Variants in GPC3 observed in about 807,000 individuals in gnomAD.
The protein encoded by GPC3 is glypican 3, also known as glypican-3.
GPC3 carries 3 observed loss-of-function variants against 34.4 expected under a neutral mutation model. That is an observed-to-expected ratio of 0.09 (90% confidence interval 0.04 to 0.23). GPC3 has a LOEUF of 0.23. GPC3 is among the 10% of genes least tolerant of loss of function. The pLI, the probability that GPC3 is intolerant of heterozygous loss-of-function variation, is 1.00. For missense variants in GPC3, 351 were observed against 445.6 expected, an observed-to-expected ratio of 0.79 and a Z score of 1.91; for synonymous variants, 177 against 174.0, an observed-to-expected ratio of 1.02 and a Z score of -0.13.
chrX:133,605,172 T>TCGGGG (rs371725277), intron 6 of GPC3, among the ~76,000 whole-genome samples: 36 of 95,994 alleles, frequency 3.8e-4, no homozygotes, highest in African/African-American at 1.0e-3. Flanking sequence ...ACTTCACACG[T>TCGGGG]GGGGGGGGGG....
At chrX:133,553,213 A>T (rs1026342682) in intron 7 of GPC3, among the ~76,000 whole-genome samples, 2 of 111,768 alleles carry the variant, frequency 1.8e-5, no homozygotes, top group Admixed American at 1.9e-4. Flanking sequence ...TAACCAAGAC[A>T]AATACATCGT....
At chrX:133,780,908 C>T (rs973398788) in intron 2 of GPC3, among the ~76,000 whole-genome samples, 1 of 111,656 alleles carries the variant, frequency 9.0e-6, no homozygotes, top group Admixed American at 9.5e-5. Flanking sequence ...GAGTGAATAG[C>T]AACTCATCAG....
intron 2 of GPC3, among the ~76,000 whole-genome samples, chrX:133,786,548 G>A (rs149358149): frequency 0.014 from 1,586 of 112,311 alleles, 28 homozygotes; most frequent in African/African-American, 0.048. Flanking sequence ...GCAGATGAGG[G>A]AACTTGCCCA....
chrX:133,682,116 G>A (rs938129962), intron 5 of GPC3, among the ~76,000 whole-genome samples: 1 of 111,424 alleles, frequency 9.0e-6, no homozygotes, highest in Non-Finnish European at 1.9e-5. Context: ...GGGCGTGGTG[G>A]TACATGCCCA....
intron 2 of GPC3, among the ~76,000 whole-genome samples, chrX:133,780,223 T>C (rs1164592572): frequency 9.0e-6 from 1 of 111,579 alleles, no homozygotes; most frequent in Non-Finnish European, 1.9e-5. Context: ...GGTTATAGCT[T>C]CCTAATCATT....
intron 2 of GPC3, among the ~76,000 whole-genome samples, chrX:133,788,854 C>T (rs1471781936): frequency 9.2e-6 from 1 of 109,154 alleles, no homozygotes; most frequent in Admixed American, 9.9e-5. Flanking sequence ...AGCATGCAGA[C>T]ACTGAGGCTC....
intron 3 of GPC3, among the ~76,000 whole-genome samples, chrX:133,717,735 G>C (rs1296042957): frequency 1.8e-5 from 2 of 110,889 alleles, no homozygotes; most frequent in African/African-American, 3.3e-5. Flanking sequence ...CTTTAACTCG[G>C]TGTCTGAGGG....
chrX:133,777,100 C>G (rs181758034), intron 2 of GPC3, among the ~76,000 whole-genome samples: 2 of 108,958 alleles, frequency 1.8e-5, no homozygotes, highest in Admixed American at 9.8e-5. Flanking sequence ...AGGCTGGTCT[C>G]AAAATCCTGA....
intron 7 of GPC3, among the ~76,000 whole-genome samples, chrX:133,544,163 TGA>T (rs1269802790): frequency 9.0e-6 from 1 of 111,473 alleles, no homozygotes; most frequent in Non-Finnish European, 1.9e-5. Context: ...TTCAGGAGGT[TGA>T]GGCTGCAGTG....
intron 6 of GPC3, among the ~76,000 whole-genome samples, chrX:133,655,505 C>CA (rs1569406968): frequency 3.8e-4 from 41 of 106,724 alleles, no homozygotes; most frequent in Middle Eastern, 4.7e-3. Context: ...CACACACACA[C>CA]CCACACACAC....
chrX:133,872,595 G>C (rs537786029), intron 2 of GPC3, among the ~76,000 whole-genome samples: 2 of 111,779 alleles, frequency 1.8e-5, no homozygotes, highest in Admixed American at 1.9e-4. Context: ...AGAGGGATGG[G>C]GATGGAGGGA....
intron 7 of GPC3, among the ~76,000 whole-genome samples, chrX:133,540,132 A>C (rs1214010775): frequency 8.9e-6 from 1 of 112,651 alleles, no homozygotes; most frequent in East Asian, 2.8e-4. Context: ...ATAGAAGAGA[A>C]AGAGATAAAA....
chrX:133,564,755 T>C (rs886627766), intron 7 of GPC3, among the ~76,000 whole-genome samples: 2 of 111,930 alleles, frequency 1.8e-5, no homozygotes, highest in African/African-American at 6.5e-5. Context: ...AAGCATTCCA[T>C]GAAAAGGTGA....
chrX:133,735,921 C>T (rs1297109191), intron 3 of GPC3, among the ~76,000 whole-genome samples: 1 of 105,822 alleles, frequency 9.4e-6, no homozygotes, highest in Non-Finnish European at 1.9e-5. Flanking sequence ...TGTGATCACA[C>T]CACTGCATTC....
chrX:133,802,663 T>C (rs2075615696), intron 2 of GPC3, among the ~76,000 whole-genome samples: 1 of 112,035 alleles, frequency 8.9e-6, no homozygotes, highest in South Asian at 3.7e-4. Context: ...AAAACTGTTC[T>C]GAGAACTTCC....
intron 6 of GPC3, among the ~76,000 whole-genome samples, chrX:133,617,228 T>C (rs2070176769): frequency 8.9e-6 from 1 of 112,005 alleles, no homozygotes; most frequent in Non-Finnish European, 1.9e-5. Flanking sequence ...GTCATTTTCA[T>C]TGAAGCCTAC....
intron 2 of GPC3, among the ~76,000 whole-genome samples, chrX:133,808,189 G>C (rs2075646108): frequency 8.9e-6 from 1 of 112,340 alleles, no homozygotes; most frequent in Non-Finnish European, 1.9e-5. Flanking sequence ...AGAAGACCAG[G>C]TCCACATAAA....
chrX:133,785,051 A>G (rs2072087401), intron 2 of GPC3, among the ~76,000 whole-genome samples: 1 of 111,888 alleles, frequency 8.9e-6, no homozygotes, highest in African/African-American at 3.3e-5. Context: ...TCCCACTTAA[A>G]ATTCAGGTCT....
chrX:133,842,565 T>C (rs1274410403), intron 2 of GPC3, among the ~76,000 whole-genome samples: 1 of 108,649 alleles, frequency 9.2e-6, no homozygotes, highest in Admixed American at 1.0e-4. Context: ...TAAGGAAACA[T>C]GTTGAAAGTG....
Sources: gnomAD v4.1 joint callset for allele counts (sites outside exome capture counted in the v4.1 genomes callset) on GRCh38, gnomAD v4.1.1 for gene constraint, MANE v1.5 for transcripts, NCBI Gene and HGNC (gene_info 2026-07-23, HGNC 2026-07-21) for gene names.